The following IDO2 variants were observed in gnomAD, a reference collection of about 807,000 sequenced individuals.
The protein encoded by IDO2 is indoleamine 2,3-dioxygenase-like 1 protein.
A neutral mutation model predicts 45.1 loss-of-function variants in IDO2; 46 were observed. That is an observed-to-expected ratio of 1.02 (90% CI 0.80 to 1.30). IDO2 has a LOEUF of 1.30. IDO2 is among the 50% of genes most tolerant of loss of function. IDO2 has a pLI of 0.00. For missense variants in IDO2, 544 were observed against 491.8 expected (o/e 1.11, Z -1.00); for synonymous variants, 218 against 184.9 (o/e 1.18, Z -1.45).
Position 39,960,814 on chromosome 8 carries a change from G to A in IDO2, c.100-2794G>A, listed in dbSNP as rs145954352. Among the ~76,000 whole-genome samples, 16 of 151,898 alleles carry A rather than the reference G, an allele frequency of 1.1e-4. No individual in the cohort carries two copies. The East Asian group carries it at 2.5e-3, about 24-fold the overall frequency. The stretch of plus-strand genomic sequence containing the variant: ...TTATTTTTTTTTGAGACGGAGTCTC[G>A]CTCTGTTGCCCAGGATGGAGTGCAG... On this transcript the variant is annotated intron_variant, in intron 2 of 10. Transcript: ENST00000502986.
intron 2 of IDO2, among the ~76,000 whole-genome samples, chr8:39,960,939 C>T (rs11775317): frequency 0.15 from 23,164 of 152,106 alleles, 1,947 homozygotes; most frequent in East Asian, 0.27. Context: ...CCCGCCAACA[C>T]GCCCAGCTAA....
In IDO2 at chr8:40,002,729, G is replaced by A. The variant is rs531098077; in HGVS notation, c.668-2598G>A. ...TGGCAGGCGGGGGGTGCAGTGAGCC[G>A]CGATCATGCCACTGTACTCCAGCCT... On this transcript the variant is annotated intron_variant, in intron 8 of 10. Transcript: ENST00000502986. Among the ~76,000 whole-genome samples the A allele has an allele frequency of 2.4e-4, 37 of 152,122 alleles. 1 individual carries two copies. The South Asian group carries it at 4.6e-3, about 19-fold the overall frequency.
At chr8:40,009,523 G>C (rs574321601) in intron 9 of IDO2, among the ~76,000 whole-genome samples, 1 of 151,806 alleles carries the variant, frequency 6.6e-6, no homozygotes, top group South Asian at 2.1e-4. Flanking sequence ...TACAAGAAAG[G>C]CTAAAAATAA....
chr8:39,982,900 C>A, intron 5 of IDO2, 130 bp downstream of exon 5: 1 of 583,932 alleles, frequency 1.7e-6, no homozygotes, highest in Non-Finnish European at 2.9e-6. Context: ...TGAGCTTGAC[C>A]AAAAATTCAA....
intron 5 of IDO2, chr8:39,984,917 G>T (rs1563435049): frequency 2.4e-6 from 1 of 419,194 alleles, no homozygotes; most frequent in South Asian, 1.7e-5. Context: ...TAAGATGAGT[G>T]AAATAACTTA....
chr8:39,967,261 A>G (rs958979657), intron 3 of IDO2, among the ~76,000 whole-genome samples: 1 of 152,172 alleles, frequency 6.6e-6, no homozygotes, highest in Non-Finnish European at 1.5e-5. Context: ...AAAACTTCCA[A>G]CATATAAGCA....
chr8:39,999,982 G>A (rs1031231028), intron 8 of IDO2, among the ~76,000 whole-genome samples: 4 of 152,126 alleles, frequency 2.6e-5, no homozygotes, highest in African/African-American at 9.7e-5. Flanking sequence ...GTTGAACTTC[G>A]TAAATTGTGT....
At chr8:39,970,965 C>T (rs1017033231) in intron 3 of IDO2, among the ~76,000 whole-genome samples, 1 of 151,946 alleles carries the variant, frequency 6.6e-6, no homozygotes, top group Non-Finnish European at 1.5e-5. Flanking sequence ...CGGGGTTTCA[C>T]CATGTTGGCC....
At chr8:39,975,390 C>T (rs1439863166) in intron 3 of IDO2, among the ~76,000 whole-genome samples, 1 of 151,930 alleles carries the variant, frequency 6.6e-6, no homozygotes, top group Non-Finnish European at 1.5e-5. Context: ...TATTGTCACA[C>T]ATATAAATGA....
At chr8:39,950,360 C>T (rs555274533) in intron 2 of IDO2, among the ~76,000 whole-genome samples, 73 of 152,084 alleles carry the variant, frequency 4.8e-4, no homozygotes, top group Non-Finnish European at 9.0e-4. Flanking sequence ...GGTGAAACCC[C>T]GTCTCTACTA....
At chr8:39,968,973 A>G (rs185081994) in intron 3 of IDO2, among the ~76,000 whole-genome samples, 130 of 152,286 alleles carry the variant, frequency 8.5e-4, no homozygotes, top group Middle Eastern at 3.4e-3. Flanking sequence ...GAGTAGGGAA[A>G]GGAACGGACT....
chr8:40,010,564 T>C (rs761780838), intron 9 of IDO2, among the ~76,000 whole-genome samples: 1 of 152,152 alleles, frequency 6.6e-6, no homozygotes, highest in Non-Finnish European at 1.5e-5. Flanking sequence ...GAAGCGATCA[T>C]TACAATCCAG....
At chr8:39,992,199 G>A (rs2129594859) in intron 8 of IDO2, among the ~76,000 whole-genome samples, 1 of 152,348 alleles carries the variant, frequency 6.6e-6, no homozygotes, top group Admixed American at 6.5e-5. Flanking sequence ...ATAGAATGTA[G>A]TATAGGGGAT....
chr8:39,970,870 GT>G (rs1490984029), intron 3 of IDO2, among the ~76,000 whole-genome samples: 1 of 148,832 alleles, frequency 6.7e-6, no homozygotes, highest in Non-Finnish European at 1.5e-5. Context: ...GGGTTCAAGT[GT>G]TTCCCCTGCC....
At chr8:40,006,678 G>T (rs138250006) in intron 9 of IDO2, among the ~76,000 whole-genome samples, 1 of 52,034 alleles carries the variant, frequency 1.9e-5, no homozygotes, top group African/African-American at 6.2e-5. Context: ...TTTATTTTTT[G>T]AGACAGAGTC....
chr8:39,962,666 G>T (rs1808017526), intron 2 of IDO2, among the ~76,000 whole-genome samples: 1 of 152,144 alleles, frequency 6.6e-6, no homozygotes, highest in African/African-American at 2.4e-5. Context: ...GGTTTCACCA[G>T]CAGTCTCCCA....
exon 11 of IDO2, chr8:40,015,486 C>T: frequency 6.2e-7 from 1 of 1,614,010 alleles, no homozygotes; most frequent in Non-Finnish European, 8.5e-7. Flanking sequence ...GCCAAACCAT[C>T]TCCCAGGGCC....
intron 5 of IDO2, among the ~76,000 whole-genome samples, chr8:39,983,515 G>T (rs1808382995): frequency 1.3e-5 from 2 of 152,122 alleles, no homozygotes; most frequent in South Asian, 4.1e-4. Flanking sequence ...GGCGATGATG[G>T]GAATCTACTT....
intron 2 of IDO2, among the ~76,000 whole-genome samples, chr8:39,957,935 T>C (rs1807927550): frequency 6.6e-6 from 1 of 152,226 alleles, no homozygotes; most frequent in Non-Finnish European, 1.5e-5. Flanking sequence ...AGATGGAGTC[T>C]AGCTCTGTCA....
Sources: gnomAD v4.1 joint callset for allele counts (sites outside exome capture counted in the v4.1 genomes callset) on GRCh38, gnomAD v4.1.1 for gene constraint, MANE v1.5 for transcripts, NCBI Gene and HGNC (gene_info 2026-07-23, HGNC 2026-07-21) for gene names.